Variants in CNTLN observed in about 807,000 individuals in gnomAD.
The protein encoded by CNTLN is centlein.
In CNTLN, 212 loss-of-function variants were observed where a neutral mutation model predicts 180.0. The observed-to-expected ratio is 1.18, with a 90% CI of 1.05 to 1.32. The LOEUF (loss-of-function observed/expected upper bound fraction) is 1.32, where lower values mean the gene tolerates loss of function less well. CNTLN is among the 40% of genes most tolerant of loss of function. The pLI, the probability that CNTLN is intolerant of heterozygous loss-of-function variation, is 0.00. For missense variants in CNTLN, 2,095 were observed against 1,610.9 expected (o/e 1.30, Z -5.14); for synonymous variants, 722 against 563.1 (o/e 1.28, Z -3.99).
At chr9:17,157,525 C>A (rs1819380009) in intron 2 of CNTLN, among the ~76,000 whole-genome samples, 1 of 152,058 alleles carries the variant, frequency 6.6e-6, no homozygotes, top group Non-Finnish European at 1.5e-5. Context: ...CCATCAGATG[C>A]CCAGATATTT....
chr9:17,257,313 T>C (rs1426978296), intron 5 of CNTLN, among the ~76,000 whole-genome samples: 1 of 151,306 alleles, frequency 6.6e-6, no homozygotes, highest in Admixed American at 6.6e-5. Flanking sequence ...AACTCATCAT[T>C]TTTTAAGGCT....
chr9:17,396,529 T>C (rs1300330428), intron 15 of CNTLN, among the ~76,000 whole-genome samples: 1 of 152,208 alleles, frequency 6.6e-6, no homozygotes, highest in East Asian at 1.9e-4. Context: ...TTTTATTTTG[T>C]TTTGTTTTTA....
chr9:17,202,654 T>G lies in CNTLN; in HGVS notation c.450-23549T>G, dbSNP rs796415873. 3.7e-5 allele frequency among the ~76,000 whole-genome samples: 4 copies of G among 107,258 alleles called. No individual in the cohort carries two copies. The East Asian group carries it at 8.4e-4, about 23-fold the overall frequency. The allele number at this position is 107,258 out of a possible 152,430, so 70.4% of individuals were successfully genotyped here. ...CTAGGATTGCAACCTCTGTTTTTTT[T>G]TTTTTTTTTTTTTTTTGTTGCTTTC... is the stretch of plus-strand genomic sequence containing the variant. On this transcript the variant is annotated intron_variant, in intron 2 of 25. Coordinates refer to ENST00000380647, the MANE Select transcript of CNTLN (RefSeq NM_017738.4).
chr9:17,494,994 T>C (rs759400148), intron 25 of CNTLN: 4 of 443,222 alleles, frequency 9.0e-6, no homozygotes, highest in African/African-American at 2.1e-5. Flanking sequence ...CAGTTCTGCC[T>C]CAGCCTCCTG....
rs368160786 is a variant in CNTLN at position 17,156,038 on chromosome 9, G to A, written c.449+12662G>A. ...GTGAGGCGGTGCCCCACCCTGCTTC[G>A]GCTAGCCCTCTGTGGGCTGCACCCA... is the stretch of plus-strand genomic sequence containing the variant. On this transcript the variant is annotated intron_variant, in intron 2 of 25. Transcript: ENST00000380647. 9.9e-5 allele frequency among the ~76,000 whole-genome samples: 15 copies of A among 152,236 alleles called. No homozygotes were observed. In the South Asian group the frequency reaches 1.2e-3, roughly 13 times the overall value.
chr9:17,354,035 G>T (rs376150850), intron 12 of CNTLN, among the ~76,000 whole-genome samples: 40 of 152,198 alleles, frequency 2.6e-4, no homozygotes, highest in African/African-American at 8.7e-4. Context: ...CGGAGCAGCC[G>T]ACCAGCCCTG....
chr9:17,238,365 A>G (rs1302972428), intron 5 of CNTLN, among the ~76,000 whole-genome samples: 1 of 152,158 alleles, frequency 6.6e-6, no homozygotes, highest in African/African-American at 2.4e-5. Flanking sequence ...GGTCCACATC[A>G]TTTACTCAAT....
At chr9:17,212,592 C>T (rs575037856) in intron 2 of CNTLN, among the ~76,000 whole-genome samples, 1 of 152,284 alleles carries the variant, frequency 6.6e-6, no homozygotes, top group South Asian at 2.1e-4. Context: ...GGAGGATTCC[C>T]TCTTTTTCTA....
intron 5 of CNTLN, among the ~76,000 whole-genome samples, chr9:17,268,974 C>A (rs1027704593): frequency 6.6e-6 from 1 of 152,006 alleles, no homozygotes; most frequent in Non-Finnish European, 1.5e-5. Context: ...ACTCCCTGAC[C>A]CCTTGTGCTT....
At chr9:17,180,028 C>G (rs1821021778) in intron 2 of CNTLN, among the ~76,000 whole-genome samples, 1 of 151,786 alleles carries the variant, frequency 6.6e-6, no homozygotes, top group African/African-American at 2.4e-5. Flanking sequence ...TTTTTTCCTT[C>G]CTTTTACTTT....
At chr9:17,315,714 C>T (rs1304530010) in intron 8 of CNTLN, among the ~76,000 whole-genome samples, 3 of 151,874 alleles carry the variant, frequency 2.0e-5, no homozygotes, top group Admixed American at 6.6e-5. Flanking sequence ...TCCTTGAGTT[C>T]ACACATTCTC....
chr9:17,162,656 G>A (rs1485328893), intron 2 of CNTLN, among the ~76,000 whole-genome samples: 1 of 152,130 alleles, frequency 6.6e-6, no homozygotes. Flanking sequence ...TTTTCCATCT[G>A]GATGTTTCCT....
At chr9:17,392,588 G>A (rs1381934782) in intron 14 of CNTLN, among the ~76,000 whole-genome samples, 1 of 152,110 alleles carries the variant, frequency 6.6e-6, no homozygotes, top group Non-Finnish European at 1.5e-5. Context: ...ACAATAGTTT[G>A]AGACAAAATT....
intron 2 of CNTLN, among the ~76,000 whole-genome samples, chr9:17,209,503 A>G (rs1026200134): frequency 1.3e-5 from 2 of 152,168 alleles, no homozygotes. Context: ...ATTCTGTCTA[A>G]TGCTGGAAGT....
chr9:17,456,828 A>G (rs1831149986), intron 18 of CNTLN, among the ~76,000 whole-genome samples: 1 of 152,148 alleles, frequency 6.6e-6, no homozygotes. Context: ...GAGAAAGGCT[A>G]ACGTTAAGAT....
chr9:17,397,336 C>T (rs1826613957), intron 15 of CNTLN, among the ~76,000 whole-genome samples: 1 of 152,150 alleles, frequency 6.6e-6, no homozygotes, highest in African/African-American at 2.4e-5. Flanking sequence ...GCAGAGCAGT[C>T]CCCAGGGGCT....
intron 2 of CNTLN, among the ~76,000 whole-genome samples, chr9:17,183,171 G>A (rs1484417442): frequency 1.3e-5 from 2 of 152,048 alleles, no homozygotes; most frequent in Non-Finnish European, 2.9e-5. Flanking sequence ...TTGGTCATCA[G>A]GAATTATCAT....
Position 17,441,737 on chromosome 9 carries a change from A to G in CNTLN, c.3115-15787A>G, listed in dbSNP as rs142482574. ...TAAATATAAATGGATTACATTCCCCAGTCAAGAGATGGAGAGTTGCCGAAT... is the reference window on the plus strand; with the variant it reads ...TAAATATAAATGGATTACATTCCCCGGTCAAGAGATGGAGAGTTGCCGAAT... On this transcript the variant is annotated intron_variant, in intron 18 of 25. Coordinates refer to ENST00000380647, the MANE Select transcript of CNTLN (RefSeq NM_017738.4). Among the ~76,000 whole-genome samples, 618 of 152,276 alleles carry G rather than the reference A, an allele frequency of 4.1e-3. 1 individual carries two copies. Among genetic ancestry groups the G allele is most frequent in the African/African-American group, 5.7e-3 (236 of 41,570 alleles).
intron 2 of CNTLN, among the ~76,000 whole-genome samples, chr9:17,145,420 C>G (rs1014389910): frequency 2.0e-5 from 3 of 152,082 alleles, no homozygotes; most frequent in Non-Finnish European, 4.4e-5. Flanking sequence ...GAATATTCAA[C>G]CTATGTCTGT....
Sources: allele counts gnomAD v4.1 joint callset (sites outside exome capture counted in the v4.1 genomes callset), GRCh38; gene constraint gnomAD v4.1.1; transcripts MANE v1.5; gene names NCBI Gene and HGNC (gene_info 2026-07-23, HGNC 2026-07-21).